Variants in BBS9 observed in about 807,000 individuals in gnomAD.
BBS9 encodes the protein Bardet-Biedl syndrome 9.
BBS9 carries 89 observed loss-of-function variants against 117.7 expected under a neutral mutation model. The observed-to-expected ratio is 0.76, with a 90% CI of 0.64 to 0.90. The LOEUF (loss-of-function observed/expected upper bound fraction) is 0.90. BBS9 is among the 40% of genes least tolerant of loss of function. The pLI is 0.00. For missense variants in BBS9, 982 were observed against 1,042.2 expected, an observed-to-expected ratio of 0.94 and a Z score of 0.80; for synonymous variants, 379 against 370.9, an observed-to-expected ratio of 1.02 and a Z score of -0.25.
At chr7:33,465,995 G>A (rs999724945) in intron 19 of BBS9, among the ~76,000 whole-genome samples, 18 of 151,944 alleles carry the variant, frequency 1.2e-4, no homozygotes, top group African/African-American at 4.4e-4. Context: ...TTGTCCCCCA[G>A]CTTTATTGAA....
chr7:33,539,874 T>C (rs1852006503), intron 21 of BBS9, among the ~76,000 whole-genome samples: 1 of 152,236 alleles, frequency 6.6e-6, no homozygotes, highest in African/African-American at 2.4e-5. Context: ...CGTGTTGTAT[T>C]TGCAGTAATT....
At chr7:33,181,201 C>T (rs1035284364) in intron 5 of BBS9, among the ~76,000 whole-genome samples, 2 of 152,122 alleles carry the variant, frequency 1.3e-5, no homozygotes, top group South Asian at 4.2e-4. Flanking sequence ...CCAGAGTGGA[C>T]GAAGTGCAAG....
intron 1 of BBS9, among the ~76,000 whole-genome samples, chr7:33,138,146 G>C (rs774334233): frequency 1.3e-5 from 2 of 152,190 alleles, no homozygotes; most frequent in Non-Finnish European, 2.9e-5. Flanking sequence ...GACTAGAGAC[G>C]AGGGAGAGAG....
chr7:33,300,825 C>T lies in BBS9; in HGVS notation c.1016+26869C>T, dbSNP rs529279639. Among the ~76,000 whole-genome samples the T allele has an allele frequency of 3.3e-5, 5 of 152,180 alleles. No homozygotes were observed. The South Asian group carries it at 1.0e-3, about 32-fold the overall frequency. On this transcript the variant is annotated intron_variant, in intron 9 of 22. Transcript: ENST00000242067. Reference sequence around the variant, plus strand: ...TATTTTTCCTTCTGCCTAAAAAATGCTCTTTACTGTTTCTTTTTGTATGGG... The same window carrying T: ...TATTTTTCCTTCTGCCTAAAAAATGTTCTTTACTGTTTCTTTTTGTATGGG...
At chr7:33,616,491 G>GTATATATATATATATATA (rs1255562311) in intron 21 of BBS9, among the ~76,000 whole-genome samples, 65 of 138,714 alleles carry the variant, frequency 4.7e-4, no homozygotes, top group East Asian at 2.2e-3. Context: ...GTGTGTGTGT[G>GTATATATATATATATATA]TGTATATATA....
intron 5 of BBS9, among the ~76,000 whole-genome samples, chr7:33,221,612 G>T (rs1414686773): frequency 6.6e-6 from 1 of 152,118 alleles, no homozygotes; most frequent in Non-Finnish European, 1.5e-5. Flanking sequence ...ATAAAGTGTT[G>T]TAATTCTGGA....
At chr7:33,527,469 G>A (rs1233771508) in intron 20 of BBS9, among the ~76,000 whole-genome samples, 1 of 152,136 alleles carries the variant, frequency 6.6e-6, no homozygotes, top group African/African-American at 2.4e-5. Context: ...TTTTTAAGCG[G>A]GTCTGAAAAG....
At chr7:33,378,858 C>T (rs1321279142) in intron 17 of BBS9, among the ~76,000 whole-genome samples, 1 of 152,190 alleles carries the variant, frequency 6.6e-6, no homozygotes, top group Non-Finnish European at 1.5e-5. Flanking sequence ...TGTCTTTCCT[C>T]ATCAAGAACT....
chr7:33,628,099 G>A (rs1865726645), intron 21 of BBS9, among the ~76,000 whole-genome samples: 2 of 152,052 alleles, frequency 1.3e-5, no homozygotes, highest in South Asian at 4.1e-4. Flanking sequence ...ATTTAATGAA[G>A]ACATATCAAT....
At chr7:33,438,707 A>G (rs1204866949) in intron 19 of BBS9, among the ~76,000 whole-genome samples, 1 of 152,226 alleles carries the variant, frequency 6.6e-6, no homozygotes, top group African/African-American at 2.4e-5. Context: ...GTAGGAGCAC[A>G]ATTAGATACA....
At chr7:33,363,366 G>C (rs1320337612) in intron 16 of BBS9, among the ~76,000 whole-genome samples, 2 of 152,158 alleles carry the variant, frequency 1.3e-5, no homozygotes, top group African/African-American at 2.4e-5. Flanking sequence ...GCCTCCCCGA[G>C]TGCTGGGATT....
At chr7:33,505,313 T>C in intron 19 of BBS9, 150 bp from the exon 20 acceptor site, 1 of 822,796 alleles carries the variant, frequency 1.2e-6, no homozygotes, top group Non-Finnish European at 2.1e-6. Flanking sequence ...AGATGAATGA[T>C]AACTCTTTTA....
intron 19 of BBS9, among the ~76,000 whole-genome samples, chr7:33,393,681 C>A (rs1463561151): frequency 6.6e-6 from 1 of 152,140 alleles, no homozygotes; most frequent in Non-Finnish European, 1.5e-5. Flanking sequence ...TCAGTGGTAG[C>A]TCTTCTGGAT....
rs561261525 is a variant in BBS9 at position 33,513,829 on chromosome 7, T to C, written c.2298+8184T>C. Among the ~76,000 whole-genome samples, 3 of 152,364 alleles carry C rather than the reference T, an allele frequency of 2.0e-5. No individual in the cohort carries two copies. In the East Asian group the frequency reaches 5.8e-4, roughly 29 times the overall value. ...AACTGTTAGGTACACTTCACCTATA[T>C]TGATTTAGCCAAATTTGTTAATATA... On this transcript the variant is annotated intron_variant, in intron 20 of 22. Transcript: ENST00000242067.
chr7:33,342,708 A>G (rs1167532791), intron 11 of BBS9, among the ~76,000 whole-genome samples: 3 of 152,066 alleles, frequency 2.0e-5, no homozygotes, highest in Non-Finnish European at 4.4e-5. Flanking sequence ...TGGTGCCATG[A>G]CGTCTTCTTA....
At chr7:33,395,070 A>T (rs1375072826) in intron 19 of BBS9, among the ~76,000 whole-genome samples, 1 of 152,224 alleles carries the variant, frequency 6.6e-6, no homozygotes, top group Non-Finnish European at 1.5e-5. Flanking sequence ...GGGTAAAGAA[A>T]AAGGAAATGT....
intron 21 of BBS9, among the ~76,000 whole-genome samples, chr7:33,596,257 AAC>A (rs777940429): frequency 0.11 from 12,659 of 118,616 alleles, 622 homozygotes; most frequent in Middle Eastern, 0.14. Context: ...ACAGAACAGA[AAC>A]ACACACACAC....
At chr7:33,480,881 G>A (rs1023105293) in intron 19 of BBS9, among the ~76,000 whole-genome samples, 5 of 152,132 alleles carry the variant, frequency 3.3e-5, no homozygotes, top group Admixed American at 6.5e-5. Context: ...TGAGTTCTCA[G>A]GAGAGCTGAT....
intron 19 of BBS9, among the ~76,000 whole-genome samples, chr7:33,446,532 A>G (rs1237591678): frequency 6.6e-6 from 1 of 152,192 alleles, no homozygotes; most frequent in African/African-American, 2.4e-5. Flanking sequence ...TATTGCCATG[A>G]TCAAACAACC....
Sources: gnomAD v4.1 joint callset for allele counts (sites outside exome capture counted in the v4.1 genomes callset) on GRCh38, gnomAD v4.1.1 for gene constraint, MANE v1.5 for transcripts, NCBI Gene and HGNC (gene_info 2026-07-23, HGNC 2026-07-21) for gene names.